The following COA1 variants were observed in gnomAD, a reference collection of about 807,000 sequenced individuals.
COA1 encodes cytochrome c oxidase assembly factor 1 homolog.
COA1 carries 13 observed loss-of-function variants against 16.0 expected under a neutral mutation model. The observed-to-expected ratio is 0.81, with a 90% confidence interval of 0.53 to 1.29. The LOEUF is 1.29. Ranked by LOEUF, COA1 falls within the 50% of genes most tolerant of loss-of-function variation. The probability of loss-of-function intolerance (pLI) is 0.00; values close to 1 mark genes in which losing one functional copy is unlikely to be tolerated. For synonymous variants in COA1, 65 were observed against 65.7 expected (o/e 0.99, Z 0.05); for missense variants, 179 against 177.0 (o/e 1.01, Z -0.06).
chr7:43,630,067 A>C (rs2051969), intron 6 of COA1, among the ~76,000 whole-genome samples: 125,926 of 152,164 alleles, frequency 0.83, 52,566 homozygotes, highest in African/African-American at 0.94. Context: ...TACATTTTGT[A>C]TGTGGATGCC....
At chr7:43,729,012 T>G (rs2095682105) in intron 1 of COA1, among the ~76,000 whole-genome samples, 1 of 151,676 alleles carries the variant, frequency 6.6e-6, no homozygotes, top group Non-Finnish European at 1.5e-5. Flanking sequence ...GGACAAAAAG[T>G]ATTATAACCA....
At chr7:43,653,307 G>A (rs554484075) in intron 1 of COA1, among the ~76,000 whole-genome samples, 22 of 147,180 alleles carry the variant, frequency 1.5e-4, no homozygotes, top group South Asian at 8.5e-4. Context: ...GCGACACTCC[G>A]TCTCAAACAA....
intron 1 of COA1, among the ~76,000 whole-genome samples, chr7:43,652,344 T>C (rs1237960895): frequency 6.6e-6 from 1 of 152,182 alleles, no homozygotes; most frequent in East Asian, 1.9e-4. Context: ...GTCCTACATC[T>C]GGGTAACTAC....
intron 1 of COA1, among the ~76,000 whole-genome samples, chr7:43,719,779 A>G (rs2095469740): frequency 1.3e-5 from 2 of 152,184 alleles, no homozygotes; most frequent in South Asian, 4.1e-4. Context: ...ATGTTTGCTT[A>G]CAAACAGGTT....
intron 1 of COA1, among the ~76,000 whole-genome samples, chr7:43,684,456 C>T (rs372325376): frequency 6.6e-6 from 1 of 152,088 alleles, no homozygotes. Flanking sequence ...CACAGAGATC[C>T]AAAAGCAAGT....
At chr7:43,716,707 A>G (rs1483253554) in intron 1 of COA1, among the ~76,000 whole-genome samples, 1 of 152,204 alleles carries the variant, frequency 6.6e-6, no homozygotes, top group Non-Finnish European at 1.5e-5. Context: ...CACCAAGACC[A>G]TGGGGAAAAT....
chr7:43,702,350 GAC>G (rs1372193219), intron 1 of COA1, among the ~76,000 whole-genome samples: 1 of 152,062 alleles, frequency 6.6e-6, no homozygotes, highest in African/African-American at 2.4e-5. Context: ...TTGAATAGGG[GAC>G]TCTTTTCCCC....
chr7:43,720,059 A>C (rs1357829744), intron 1 of COA1, among the ~76,000 whole-genome samples: 1 of 152,054 alleles, frequency 6.6e-6, no homozygotes, highest in East Asian at 1.9e-4. Flanking sequence ...TGGGCGGGTC[A>C]CTTGAGGTCA....
At chr7:43,700,995 A>G (rs927728001) in intron 1 of COA1, among the ~76,000 whole-genome samples, 9 of 148,178 alleles carry the variant, frequency 6.1e-5, no homozygotes, top group African/African-American at 2.2e-4. Flanking sequence ...AGCTATAAAC[A>G]AAACCAAAAA....
chr7:43,614,477 A>G (rs1482966906), intron 6 of COA1, among the ~76,000 whole-genome samples: 2 of 152,242 alleles, frequency 1.3e-5, no homozygotes, highest in African/African-American at 2.4e-5. Context: ...TTTTCAGGAC[A>G]TGTATTTCGG....
intron 1 of COA1, among the ~76,000 whole-genome samples, chr7:43,677,316 A>G (rs1403685906): frequency 6.6e-6 from 1 of 152,244 alleles, no homozygotes; most frequent in Non-Finnish European, 1.5e-5. Flanking sequence ...ATTTCAGTTA[A>G]CAACATAAAA....
intron 1 of COA1, among the ~76,000 whole-genome samples, chr7:43,728,637 C>T (rs990725485): frequency 3.9e-5 from 6 of 152,120 alleles, no homozygotes; most frequent in Admixed American, 2.0e-4. Context: ...TGTGTATTAT[C>T]CTGAAAGCAA....
intron 1 of COA1, among the ~76,000 whole-genome samples, chr7:43,706,898 T>C (rs1167243737): frequency 6.6e-6 from 1 of 151,218 alleles, no homozygotes; most frequent in African/African-American, 2.4e-5. Context: ...AAGCCAGACA[T>C]GGTGGCTCAC....
intron 6 of COA1, chr7:43,631,459 C>T (rs1040833405): frequency 6.6e-6 from 1 of 152,360 alleles, no homozygotes; most frequent in African/African-American, 2.4e-5. Flanking sequence ...CTCCTGACTT[C>T]AAGTGATCTG....
chr7:43,615,204 C>T (rs566152745), intron 6 of COA1, among the ~76,000 whole-genome samples: 2 of 152,168 alleles, frequency 1.3e-5, no homozygotes, highest in African/African-American at 4.8e-5. Context: ...TTGATAGGGT[C>T]GTATTCTGTT....
At chr7:43,654,071 G>T (rs1250441524) in intron 1 of COA1, among the ~76,000 whole-genome samples, 1 of 152,148 alleles carries the variant, frequency 6.6e-6, no homozygotes, top group Non-Finnish European at 1.5e-5. Flanking sequence ...GAGAGAAAGA[G>T]AAACATGTCC....
At chr7:43,717,825 T>C (rs545672161) in intron 1 of COA1, among the ~76,000 whole-genome samples, 75 of 152,354 alleles carry the variant, frequency 4.9e-4, no homozygotes, top group Admixed American at 5.2e-4. Flanking sequence ...GTTTCCCCCA[T>C]ACTTTTCTTG....
intron 6 of COA1, among the ~76,000 whole-genome samples, chr7:43,613,119 A>G (rs1056952813): frequency 3.9e-5 from 6 of 152,082 alleles, no homozygotes; most frequent in Non-Finnish European, 4.4e-5. Flanking sequence ...CTTAAAATCT[A>G]TTGCTCTTTT....
chr7:43,615,134 T>C (rs950556249), intron 6 of COA1, among the ~76,000 whole-genome samples: 3 of 152,182 alleles, frequency 2.0e-5, no homozygotes, highest in Non-Finnish European at 4.4e-5. Flanking sequence ...TTTGCCTGAA[T>C]AATAAGACAT....
Sources: allele counts gnomAD v4.1 joint callset (sites outside exome capture counted in the v4.1 genomes callset), GRCh38; gene constraint gnomAD v4.1.1; transcripts MANE v1.5; gene names NCBI Gene and HGNC (gene_info 2026-07-23, HGNC 2026-07-21).